The following EYA4 variants were observed in gnomAD, a reference collection of about 807,000 sequenced individuals.
The protein encoded by EYA4 is EYA transcriptional coactivator and phosphatase 4.
In EYA4, 31 loss-of-function variants were observed where a neutral mutation model predicts 87.9. The ratio of observed to expected loss-of-function variants is 0.35; its 90% CI spans 0.27 to 0.48. The LOEUF (loss-of-function observed/expected upper bound fraction) is 0.48, where lower values mean the gene tolerates loss of function less well. EYA4 is among the 20% of genes least tolerant of loss of function. The probability of loss-of-function intolerance (pLI) is 0.99; values close to 1 mark genes in which losing one functional copy is unlikely to be tolerated. For synonymous variants in EYA4, 263 were observed against 270.6 expected (o/e 0.97, Z 0.28); for missense variants, 678 against 761.4 (o/e 0.89, Z 1.29).
chr6:133,374,505 G>A (rs1229128351), intron 2 of EYA4, among the ~76,000 whole-genome samples: 1 of 152,092 alleles, frequency 6.6e-6, no homozygotes, highest in African/African-American at 2.4e-5. Flanking sequence ...ATTCTTAATA[G>A]GTATGTTATT....
rs116449281 is a variant in EYA4, at chr6:133,251,083, A to G, written c.-66+9334A>G. 3.1e-3 allele frequency among the ~76,000 whole-genome samples: 475 copies of G among 152,348 alleles called. 4 individuals are homozygous for G. The highest frequency in any genetic ancestry group is 0.011 in the African/African-American group (458 of 41,578). ...ACACTATAGGTGCTCAACAGTTGGCATTGGCCATTTACGTTGTGCAGTAAT... is the reference window on the plus strand; with the variant it reads ...ACACTATAGGTGCTCAACAGTTGGCGTTGGCCATTTACGTTGTGCAGTAAT... On this transcript the variant is annotated intron_variant, in intron 1 of 19. Coordinates refer to ENST00000355286, the MANE Select transcript of EYA4 (RefSeq NM_004100.5).
intron 2 of EYA4, among the ~76,000 whole-genome samples, chr6:133,292,374 T>C (rs1778556886): frequency 6.6e-6 from 1 of 152,236 alleles, no homozygotes; most frequent in Non-Finnish European, 1.5e-5. Flanking sequence ...GAGTAATTTT[T>C]CTTCTTAGTT....
At chr6:133,412,551 A>T (rs537036572) in intron 3 of EYA4, among the ~76,000 whole-genome samples, 16 of 152,234 alleles carry the variant, frequency 1.1e-4, no homozygotes, top group African/African-American at 3.6e-4. Context: ...TCTTTTGCTT[A>T]ACTTTGTATT....
chr6:133,255,397 T>A (rs1222227294), intron 1 of EYA4, among the ~76,000 whole-genome samples: 3 of 152,242 alleles, frequency 2.0e-5, no homozygotes, highest in African/African-American at 7.2e-5. Flanking sequence ...CTTGGTTTGG[T>A]TGCTGGTCAT....
chr6:133,499,311 C>A (rs976419017), intron 13 of EYA4, among the ~76,000 whole-genome samples: 2 of 152,110 alleles, frequency 1.3e-5, no homozygotes, highest in Non-Finnish European at 2.9e-5. Context: ...GTGTATTTGC[C>A]ACCTCTGCTC....
chr6:133,254,655 T>C (rs1775194478), intron 1 of EYA4, among the ~76,000 whole-genome samples: 1 of 152,216 alleles, frequency 6.6e-6, no homozygotes, highest in African/African-American at 2.4e-5. Context: ...AGTCATTTTT[T>C]AGCATAGTGC....
chr6:133,259,289 CCTAATAT>C (rs1775600439), intron 1 of EYA4, among the ~76,000 whole-genome samples: 1 of 152,130 alleles, frequency 6.6e-6, no homozygotes, highest in Admixed American at 6.5e-5. Context: ...ACAGCATACT[CCTAATAT>C]CTAACAGCCT....
intron 3 of EYA4, among the ~76,000 whole-genome samples, chr6:133,407,945 A>G (rs530040724): frequency 5.3e-4 from 80 of 152,286 alleles, no homozygotes; most frequent in African/African-American, 1.8e-3. Context: ...TGGAGGATTT[A>G]AAGTATGGGG....
rs143325135 is a variant in EYA4, at chr6:133,400,284, C to A, written c.83+17843C>A. Among the ~76,000 whole-genome samples the A allele has an allele frequency of 3.1e-3, 470 of 152,024 alleles. 6 individuals are homozygous for A. Among genetic ancestry groups the A allele is most frequent in the East Asian group, 0.03 (156 of 5,154 alleles). ...CAGCACTTCTGGAGGCCAAGGTGGG[C>A]GGATCAAGAGGTCAGGAGTTCGAGA... On this transcript the variant is annotated intron_variant, in intron 3 of 19. Coordinates refer to ENST00000355286, the MANE Select transcript of EYA4 (RefSeq NM_004100.5).
At chr6:133,248,676 T>C (rs1241037214) in intron 1 of EYA4, 1 of 152,224 alleles carries the variant, frequency 6.6e-6, no homozygotes, top group Non-Finnish European at 1.5e-5. Flanking sequence ...TCTCTTACAT[T>C]TGAATGCAAA....
At chr6:133,266,281 C>G (rs148421194) in intron 1 of EYA4, among the ~76,000 whole-genome samples, 11 of 152,080 alleles carry the variant, frequency 7.2e-5, no homozygotes, top group Non-Finnish European at 1.5e-4. Context: ...ACGTTAGGCA[C>G]GGAGAACATC....
intron 5 of EYA4, among the ~76,000 whole-genome samples, chr6:133,449,773 T>C (rs1583310232): frequency 6.6e-6 from 1 of 152,214 alleles, no homozygotes; most frequent in Non-Finnish European, 1.5e-5. Context: ...CTTTCTTTAA[T>C]TAGTAATGCA....
chr6:133,293,798 A>G (rs1376698976), intron 2 of EYA4, among the ~76,000 whole-genome samples: 1 of 151,358 alleles, frequency 6.6e-6, no homozygotes, highest in African/African-American at 2.4e-5. Context: ...TTAGACAGGC[A>G]TGGTGGCATG....
At chr6:133,352,860 A>C (rs990759486) in intron 2 of EYA4, among the ~76,000 whole-genome samples, 13 of 152,180 alleles carry the variant, frequency 8.5e-5, no homozygotes, top group African/African-American at 2.9e-4. Context: ...CTGTAGCAAA[A>C]CCAACAAAGT....
chr6:133,333,336 C>G (rs1245585610), intron 2 of EYA4, among the ~76,000 whole-genome samples: 2 of 152,146 alleles, frequency 1.3e-5, no homozygotes, highest in Non-Finnish European at 2.9e-5. Context: ...CCTTAAGAGG[C>G]AATGCATTTT....
At chr6:133,280,276 G>T (rs528326939) in intron 2 of EYA4, among the ~76,000 whole-genome samples, 1 of 152,332 alleles carries the variant, frequency 6.6e-6, no homozygotes, top group African/African-American at 2.4e-5. Flanking sequence ...ATTACAGCTT[G>T]ACTTTGCAGT....
chr6:133,390,333 C>T (rs1430553935), intron 3 of EYA4, among the ~76,000 whole-genome samples: 1 of 152,134 alleles, frequency 6.6e-6, no homozygotes, highest in African/African-American at 2.4e-5. Context: ...GATTCTCCTG[C>T]CTCAGCCTCT....
intron 13 of EYA4, among the ~76,000 whole-genome samples, chr6:133,504,514 C>T (rs958804549): frequency 9.2e-5 from 14 of 152,322 alleles, no homozygotes; most frequent in African/African-American, 3.4e-4. Flanking sequence ...TATCTTGTCT[C>T]TATCTTCACT....
intron 1 of EYA4, among the ~76,000 whole-genome samples, chr6:133,250,949 G>A (rs1379424320): frequency 6.6e-6 from 1 of 152,032 alleles, no homozygotes; most frequent in East Asian, 1.9e-4. Context: ...CTTTTTTGGG[G>A]GGCTATGGAT....
Sources: gnomAD v4.1 joint callset for allele counts (sites outside exome capture counted in the v4.1 genomes callset) on GRCh38, gnomAD v4.1.1 for gene constraint, MANE v1.5 for transcripts, NCBI Gene and HGNC (gene_info 2026-07-23, HGNC 2026-07-21) for gene names.